PLXNC1: variants seen among roughly 807,000 people sequenced by gnomAD.
PLXNC1 encodes plexin-C1.
PLXNC1 carries 75 observed loss-of-function variants against 178.2 expected under a neutral mutation model. The ratio of observed to expected loss-of-function variants is 0.42; its 90% CI spans 0.35 to 0.51. The LOEUF (loss-of-function observed/expected upper bound fraction) is 0.51. Among genes scored for constraint, PLXNC1 ranks in the 20% least tolerant of loss-of-function variants. The pLI is 0.02. For missense variants in PLXNC1, 1,503 were observed against 1,984.4 expected, an observed-to-expected ratio of 0.76 and a Z score of 4.61; for synonymous variants, 790 against 779.9, an observed-to-expected ratio of 1.01 and a Z score of -0.22.
Position 94,149,908 on chromosome 12 carries a change from G to T in PLXNC1, c.937G>T (p.Ala313Ser). The T allele has an allele frequency of 6.3e-7, 1 of 1,589,380 alleles. No homozygotes were observed. The highest frequency in any genetic ancestry group is 2.3e-5 in the East Asian group (1 of 43,570). Residue 313 changes from alanine (A) to serine (S), a missense_variant, in exon 1 of 31, where the codon GCC (alanine) becomes TCC (serine). Around this residue, in one of 4 missense-constraint regions of PLXNC1, gnomAD observed 615 missense variants for 698.6 expected, o/e 0.88. Transcript: ENST00000258526. ...LDVWAGVFSA[A>S]AGEGQERRSP... ...CGTCTGGGCGGGAGTGTTCAGCGCGGCCGCTGGAGAGGGCCAGGAGCGGCG... is the reference window on the plus strand; with the variant it reads ...CGTCTGGGCGGGAGTGTTCAGCGCGTCCGCTGGAGAGGGCCAGGAGCGGCG...
At chr12:94,244,767 T>G (rs1056605249) in intron 12 of PLXNC1, among the ~76,000 whole-genome samples, 1 of 152,126 alleles carries the variant, frequency 6.6e-6, no homozygotes, top group Non-Finnish European at 1.5e-5. Context: ...CCACCACAGA[T>G]AAGCAAAAAA....
At chr12:94,280,447 C>A (rs1448801602) in intron 22 of PLXNC1, among the ~76,000 whole-genome samples, 1 of 152,208 alleles carries the variant, frequency 6.6e-6, no homozygotes, top group African/African-American at 2.4e-5. Context: ...TCCTCCCACT[C>A]GGCCCTCCCA....
rs1251038923 is a variant in PLXNC1 at position 94,149,102 on chromosome 12, A to AAGCCATCGG, written c.140_148dup (p.Gly47_Ile49dup). The AAGCCATCGG allele has an allele frequency of 6.3e-7, 1 of 1,584,848 alleles. No homozygotes were observed. The highest frequency in any genetic ancestry group is 8.5e-7 in the Non-Finnish European group (1 of 1,171,546). On this transcript the variant is annotated inframe_insertion, in exon 1 of 31. Transcript: ENST00000258526. Reference sequence around the variant, plus strand: ...GACGAGCCCGTGTGGCGGTCGGAGCAAGCCATCGGAGCCATCGCGGCGAGC... The same window carrying AAGCCATCGG: ...GACGAGCCCGTGTGGCGGTCGGAGCAAGCCATCGGAGCCATCGGAGCCATCGCGGCGAGC...
chr12:94,192,386 A>G (rs965420651), intron 4 of PLXNC1, among the ~76,000 whole-genome samples: 3 of 151,808 alleles, frequency 2.0e-5, no homozygotes, highest in Non-Finnish European at 4.4e-5. Flanking sequence ...CTCAGGATAC[A>G]GTTCTTTCTT....
rs143887766 is a variant in PLXNC1, at chr12:94,260,156, T to C, written c.3251+422T>C. Among the ~76,000 whole-genome samples the C allele has an allele frequency of 1.9e-3, 295 of 152,218 alleles. No homozygotes were observed. The highest frequency in any genetic ancestry group is 6.6e-3 in the African/African-American group (276 of 41,556). The stretch of plus-strand genomic sequence containing the variant: ...CAGCCTCATCCTCCTGGGCTCAAGC[T>C]ACCCTCCTGCCTCAGCCTCCCCAAG... On this transcript the variant is annotated intron_variant, in intron 19 of 30. Coordinates refer to ENST00000258526, the MANE Select transcript of PLXNC1 (RefSeq NM_005761.3). The surrounding 1 kb of genome is among the most constrained non-coding windows in gnomAD (Gnocchi z 4.4).
intron 2 of PLXNC1, among the ~76,000 whole-genome samples, chr12:94,175,657 A>G (rs1414417944): frequency 2.0e-5 from 3 of 152,266 alleles, no homozygotes; most frequent in African/African-American, 7.2e-5. Context: ...TGTTTTCTAC[A>G]CAGGCTTCAG....
chr12:94,248,374 A>G lies in PLXNC1; in HGVS notation c.2740A>G (p.Thr914Ala). 1 of 1,611,398 alleles carries G rather than the reference A, an allele frequency of 6.2e-7. No homozygotes were observed. The highest frequency in any genetic ancestry group is 8.5e-7 in the Non-Finnish European group (1 of 1,179,214). Residue 914 changes from threonine (T) to alanine (A), a missense_variant, in exon 14 of 31, where the codon ACT (threonine) becomes GCT (alanine). Physicochemically the swap from Thr to Ala is moderately conservative, Grantham distance 58. Around this residue, in one of 4 missense-constraint regions of PLXNC1, gnomAD observed 639 missense variants for 979.7 expected, o/e 0.65. Coordinates refer to ENST00000258526, the MANE Select transcript of PLXNC1 (RefSeq NM_005761.3). ...CCTTTGCAAAATTAAAGGCATCAAG[A>G]CTGCAAGCACCATTGCCAACTCTTC... ...TILCKIKGIK[T>A]ASTIANSSKK...
intron 9 of PLXNC1, among the ~76,000 whole-genome samples, chr12:94,235,188 C>T (rs910827594): frequency 7.2e-5 from 11 of 152,008 alleles, no homozygotes; most frequent in African/African-American, 2.4e-4. Context: ...CCAAGAGAAC[C>T]CTCTCTAAAC....
At chr12:94,277,164 C>G (rs184016680) in intron 21 of PLXNC1, 2 of 152,264 alleles carry the variant, frequency 1.3e-5, no homozygotes, top group African/African-American at 4.8e-5. Context: ...GTGAGAGCCC[C>G]CTTTCTCATG....
intron 21 of PLXNC1, among the ~76,000 whole-genome samples, chr12:94,274,388 C>T (rs1342173394): frequency 1.3e-5 from 2 of 152,096 alleles, no homozygotes; most frequent in African/African-American, 4.8e-5. Flanking sequence ...AGCTGGGTTA[C>T]ATGACCAGTC....
At chr12:94,269,144 T>C (rs1965425073) in intron 21 of PLXNC1, among the ~76,000 whole-genome samples, 1 of 152,160 alleles carries the variant, frequency 6.6e-6, no homozygotes, top group Non-Finnish European at 1.5e-5. Flanking sequence ...GGTTGACTTG[T>C]AATCAAAGTT....
intron 1 of PLXNC1, among the ~76,000 whole-genome samples, 193 bp downstream of exon 1, chr12:94,150,226 C>T (rs1960907015): frequency 6.6e-6 from 1 of 152,114 alleles, no homozygotes; most frequent in African/African-American, 2.4e-5. Context: ...TGGAGCACGG[C>T]CTGAGGTCCC....
intron 6 of PLXNC1, among the ~76,000 whole-genome samples, chr12:94,220,526 G>GT (rs1963765364): frequency 6.6e-6 from 1 of 152,080 alleles, no homozygotes. Flanking sequence ...TGTTCCATCA[G>GT]TTTGAGTTCA....
At chr12:94,208,326 G>C (rs1323294013) in intron 4 of PLXNC1, among the ~76,000 whole-genome samples, 1 of 152,202 alleles carries the variant, frequency 6.6e-6, no homozygotes, top group African/African-American at 2.4e-5. Flanking sequence ...TGTGCTTGGG[G>C]ATGACGTTTA....
At chr12:94,219,699 T>C (rs1393106771) in intron 5 of PLXNC1, among the ~76,000 whole-genome samples, 1 of 152,122 alleles carries the variant, frequency 6.6e-6, no homozygotes, top group Non-Finnish European at 1.5e-5. Context: ...TGAAAATTGA[T>C]AAGAAAAATA....
At chr12:94,232,072 C>A (rs950396110) in intron 9 of PLXNC1, among the ~76,000 whole-genome samples, 1 of 152,180 alleles carries the variant, frequency 6.6e-6, no homozygotes, top group Non-Finnish European at 1.5e-5. Context: ...TGCACCTCCT[C>A]TTCTCTTCCT....
chr12:94,186,962 C>T (rs961051860), intron 4 of PLXNC1, among the ~76,000 whole-genome samples: 2 of 152,236 alleles, frequency 1.3e-5, no homozygotes, highest in African/African-American at 4.8e-5. Flanking sequence ...ATCTCAGTCT[C>T]CGGGCAGAAT....
chr12:94,152,633 C>T (rs1961001305), intron 1 of PLXNC1, among the ~76,000 whole-genome samples: 2 of 152,260 alleles, frequency 1.3e-5, no homozygotes, highest in African/African-American at 4.8e-5. Context: ...TAGATTCCAA[C>T]AGCAATTCCT....
chr12:94,248,846 TCTCTGGGTCATG>T (rs1302442599), intron 14 of PLXNC1, among the ~76,000 whole-genome samples: 1 of 152,194 alleles, frequency 6.6e-6, no homozygotes, highest in Non-Finnish European at 1.5e-5. Flanking sequence ...GACCAGATAA[TCTCTGGGTCATG>T]GGCTGCTTCC....
Sources: gnomAD v4.1 joint callset for allele counts (sites outside exome capture counted in the v4.1 genomes callset) on GRCh38, gnomAD v4.1.1 for gene constraint, gnomAD v4.1.1 regional missense constraint, Gnocchi (gnomAD v3.1) non-coding constraint, MANE v1.5 for transcripts, NCBI Gene and HGNC (gene_info 2026-07-23, HGNC 2026-07-21) for gene names.